SLC8A1: variants seen among roughly 807,000 people sequenced by gnomAD.
SLC8A1 encodes solute carrier family 8 member A1, also known as sodium/calcium exchanger 1.
SLC8A1 carries 18 observed loss-of-function variants against 68.3 expected under a neutral mutation model. The observed-to-expected ratio is 0.26, with a 90% confidence interval of 0.18 to 0.39. The LOEUF (loss-of-function observed/expected upper bound fraction) is 0.39, where lower values mean the gene tolerates loss of function less well. Among genes scored for constraint, SLC8A1 ranks in the 10% least tolerant of loss-of-function variants. The pLI, the probability that SLC8A1 is intolerant of heterozygous loss-of-function variation, is 1.00. For synonymous variants in SLC8A1, 475 were observed against 415.5 expected, an observed-to-expected ratio of 1.14 and a Z score of -1.74; for missense variants, 985 against 1,156.7, an observed-to-expected ratio of 0.85 and a Z score of 2.15.
chr2:40,492,191 A>T (rs1218165716), intron 1 of SLC8A1, among the ~76,000 whole-genome samples: 2 of 152,110 alleles, frequency 1.3e-5, no homozygotes, highest in South Asian at 4.1e-4. Flanking sequence ...ATAACGCCAC[A>T]TATCTACAAC....
chr2:40,409,710 A>G (rs1691501471), intron 2 of SLC8A1, among the ~76,000 whole-genome samples: 1 of 152,168 alleles, frequency 6.6e-6, no homozygotes, highest in East Asian at 1.9e-4. Flanking sequence ...TGATTACAGT[A>G]GAAATCATCT....
intron 1 of SLC8A1, among the ~76,000 whole-genome samples, chr2:40,465,148 T>C (rs1703591477): frequency 6.6e-6 from 1 of 152,188 alleles, no homozygotes; most frequent in Admixed American, 6.5e-5. Flanking sequence ...ATTTTATGGT[T>C]GTCATGATAA....
chr2:40,477,884 A>C (rs949248521), intron 1 of SLC8A1, among the ~76,000 whole-genome samples: 4 of 152,136 alleles, frequency 2.6e-5, no homozygotes, highest in Admixed American at 2.0e-4. Context: ...AATAGTTGTG[A>C]CTTGGTACTT....
chr2:40,259,717 C>T (rs1386793349), intron 2 of SLC8A1, among the ~76,000 whole-genome samples: 1 of 152,102 alleles, frequency 6.6e-6, no homozygotes, highest in Non-Finnish European at 1.5e-5. Context: ...TTTACTATTG[C>T]CAATATAGCA....
exon 8 of SLC8A1, chr2:40,105,450 A>C (rs1464592339): frequency 6.6e-6 from 1 of 152,224 alleles, no homozygotes; most frequent in East Asian, 1.9e-4. Flanking sequence ...TCAAGCTCTG[A>C]AGAAGTATGA....
intron 6 of SLC8A1, among the ~76,000 whole-genome samples, chr2:40,143,431 T>C (rs2041933612): frequency 6.6e-6 from 1 of 152,196 alleles, no homozygotes; most frequent in Admixed American, 6.5e-5. Flanking sequence ...TTCAAGTCCC[T>C]TCTCTGTGTT....
intron 2 of SLC8A1, among the ~76,000 whole-genome samples, chr2:40,400,254 G>C (rs957849307): frequency 3.3e-5 from 5 of 152,060 alleles, no homozygotes; most frequent in African/African-American, 7.2e-5. Context: ...TCTGCGGCTT[G>C]TCCTGCTACG....
At chr2:40,396,629 A>G (rs1377087538) in intron 2 of SLC8A1, among the ~76,000 whole-genome samples, 1 of 152,016 alleles carries the variant, frequency 6.6e-6, no homozygotes. Context: ...GTACCTTATT[A>G]ATTCATTAAA....
At chr2:40,435,304 G>C (rs1480078823) in intron 1 of SLC8A1, among the ~76,000 whole-genome samples, 1 of 152,144 alleles carries the variant, frequency 6.6e-6, no homozygotes, top group Middle Eastern at 3.2e-3. Flanking sequence ...TCTAGACAAA[G>C]AGATGATGCC....
intron 2 of SLC8A1, among the ~76,000 whole-genome samples, chr2:40,334,008 A>G (rs1434515140): frequency 6.6e-6 from 1 of 152,202 alleles, no homozygotes; most frequent in East Asian, 1.9e-4. Context: ...AGATGGCACC[A>G]TTGCATTCAG....
At chr2:40,402,086 G>A (rs755004655) in intron 2 of SLC8A1, among the ~76,000 whole-genome samples, 1 of 152,136 alleles carries the variant, frequency 6.6e-6, no homozygotes, top group African/African-American at 2.4e-5. Context: ...CACAGGACGC[G>A]ATACAGGTCA....
intron 2 of SLC8A1, among the ~76,000 whole-genome samples, chr2:40,187,739 G>C (rs1378904383): frequency 6.6e-6 from 1 of 152,176 alleles, no homozygotes; most frequent in Non-Finnish European, 1.5e-5. Flanking sequence ...ACTCGAAAGA[G>C]ATACTACAGG....
At chr2:40,371,557 C>A (rs1408456359) in intron 2 of SLC8A1, among the ~76,000 whole-genome samples, 1 of 151,908 alleles carries the variant, frequency 6.6e-6, no homozygotes, top group African/African-American at 2.4e-5. Context: ...TTGTGAGGAC[C>A]GAATAGGCTA....
intron 6 of SLC8A1, among the ~76,000 whole-genome samples, chr2:40,143,411 A>G (rs371132866): frequency 6.6e-6 from 1 of 152,186 alleles, no homozygotes; most frequent in Non-Finnish European, 1.5e-5. Context: ...CCTGGAGGCT[A>G]CATAATTCTT....
upstream of SLC8A1, among the ~76,000 whole-genome samples, chr2:40,453,915 T>C (rs1166091389): frequency 3.3e-5 from 5 of 152,186 alleles, no homozygotes; most frequent in Non-Finnish European, 7.3e-5. Context: ...CTGCTTCACG[T>C]CTTATAAAAT....
At chr2:40,396,830 A>G (rs950129992) in intron 2 of SLC8A1, among the ~76,000 whole-genome samples, 3 of 150,576 alleles carry the variant, frequency 2.0e-5, no homozygotes, top group African/African-American at 7.4e-5. Context: ...TGCTGTATCA[A>G]TGACAATTAT....
chr2:40,197,903 C>G (rs2148683518), intron 2 of SLC8A1, among the ~76,000 whole-genome samples: 2 of 50,428 alleles, frequency 4.0e-5, no homozygotes, highest in South Asian at 8.9e-4. Flanking sequence ...GAATGACTGT[C>G]CAGAAATGCT....
intron 7 of SLC8A1, among the ~76,000 whole-genome samples, chr2:40,134,651 C>T (rs1202729195): frequency 6.6e-6 from 1 of 152,178 alleles, no homozygotes; most frequent in African/African-American, 2.4e-5. Flanking sequence ...ACTTACCTCC[C>T]TCAATAATTT....
intron 2 of SLC8A1, among the ~76,000 whole-genome samples, chr2:40,332,289 T>G (rs1031423877): frequency 6.6e-6 from 1 of 152,118 alleles, no homozygotes; most frequent in African/African-American, 2.4e-5. Context: ...TTGAGGATGG[T>G]GAAGAGCTCT....
Sources: gnomAD v4.1 joint callset for allele counts (sites outside exome capture counted in the v4.1 genomes callset) on GRCh38, gnomAD v4.1.1 for gene constraint, MANE v1.5 for transcripts, NCBI Gene and HGNC (gene_info 2026-07-23, HGNC 2026-07-21) for gene names.